Variants in CCDC191 observed in about 807,000 individuals in gnomAD.
The protein encoded by CCDC191 is coiled-coil domain-containing protein 191.
A neutral mutation model predicts 114.0 loss-of-function variants in CCDC191; 99 were observed. The ratio of observed to expected loss-of-function variants is 0.87; its 90% CI spans 0.74 to 1.03. CCDC191 has a LOEUF of 1.03. Ranked by LOEUF, CCDC191 falls within the 50% of genes least tolerant of loss-of-function variation. CCDC191 has a pLI of 0.00. For synonymous variants in CCDC191, 351 were observed against 376.0 expected (o/e 0.93, Z 0.77); for missense variants, 973 against 1,087.0 (o/e 0.90, Z 1.47).
chr3:114,000,677 G>A (rs1293039874), intron 13 of CCDC191, among the ~76,000 whole-genome samples: 1 of 151,270 alleles, frequency 6.6e-6, no homozygotes, highest in Non-Finnish European at 1.5e-5. Context: ...CTTAGAGATG[G>A]TCTTACTTTG....
At chr3:114,054,927 T>C (rs2076747362) in intron 1 of CCDC191, among the ~76,000 whole-genome samples, 1 of 152,012 alleles carries the variant, frequency 6.6e-6, no homozygotes, top group South Asian at 2.1e-4. Context: ...TCCTGATGAT[T>C]TGTCATTGGA....
chr3:113,993,319 A>G (rs961482604), intron 13 of CCDC191, among the ~76,000 whole-genome samples: 3 of 152,200 alleles, frequency 2.0e-5, no homozygotes, highest in Admixed American at 1.3e-4. Flanking sequence ...ATTCTGAAGA[A>G]GAAAAATAGA....
chr3:114,004,320 T>C, intron 11 of CCDC191: 1 of 1,005,400 alleles, frequency 9.9e-7, no homozygotes, highest in Non-Finnish European at 1.2e-6. Flanking sequence ...CTCAGAGTTT[T>C]CTCATTTGTG....
chr3:114,046,999 G>A, intron 2 of CCDC191: 1 of 957,114 alleles, frequency 1.0e-6, no homozygotes, highest in Non-Finnish European at 1.2e-6. Context: ...TTAAGATTTA[G>A]ATAACTTTTG....
At chr3:114,019,162 G>C (rs1197194180) in intron 7 of CCDC191, among the ~76,000 whole-genome samples, 1 of 152,210 alleles carries the variant, frequency 6.6e-6, no homozygotes, top group Non-Finnish European at 1.5e-5. Context: ...TCTATGACAT[G>C]AACCAAGGGG....
At position 114,005,656 on chromosome 3, in the gene CCDC191, GCTGTTC is replaced by G. The variant is rs2075942102; in HGVS notation, c.1714_1719del (p.Glu572_Gln573del). ...TTCTTCAGCTCGAGAATTGTTTTCTGCTGTTCCTGAAGTTTCTTCTTTTGCTTCTCA... is the reference window on the plus strand; with the variant it reads ...TTCTTCAGCTCGAGAATTGTTTTCTGCTGAAGTTTCTTCTTTTGCTTCTCA... On this transcript the variant is annotated inframe_deletion, in exon 10 of 17. Transcript: ENST00000295878. 1.9e-6 allele frequency: 3 copies of G among 1,614,090 alleles called. No individual in the cohort carries two copies. Among genetic ancestry groups the G allele is most frequent in the Middle Eastern group, 1.6e-4 (1 of 6,062 alleles).
At chr3:114,036,088 A>G (rs2076478984) in intron 5 of CCDC191, among the ~76,000 whole-genome samples, 1 of 152,140 alleles carries the variant, frequency 6.6e-6, no homozygotes, top group East Asian at 1.9e-4. Flanking sequence ...CTTTTTTGCA[A>G]GAACCTACTA....
intron 3 of CCDC191, 46 bp from the exon 4 acceptor site, chr3:114,042,892 A>AT (rs766474094): frequency 2.8e-5 from 43 of 1,522,034 alleles, no homozygotes; most frequent in Non-Finnish European, 3.7e-5. Flanking sequence ...TACTTCAGAG[A>AT]TTTTCTTTAT....
chr3:113,991,981 A>G (rs897132168), intron 13 of CCDC191, among the ~76,000 whole-genome samples: 2 of 152,206 alleles, frequency 1.3e-5, no homozygotes, highest in Non-Finnish European at 2.9e-5. Flanking sequence ...CTATAAAAAC[A>G]ATGATGAAAG....
In CCDC191 at chr3:114,004,645, A is replaced by G; in HGVS notation, c.1970T>C (p.Ile657Thr). Reference protein sequence around the residue: ...KPKQLMTPHPILKAMEERAIQ... With the variant: ...KPKQLMTPHPTLKAMEERAIQ... The stretch of plus-strand genomic sequence containing the variant: ...CACCGAGACAGCCCTGCCTTTTAGT[A>G]TGGGATGCGGTGTCATCAATTGCTT... Residue 657 changes from isoleucine to threonine, a missense_variant, in exon 11 of 17, where the codon ATA (isoleucine) becomes ACA (threonine). By Grantham distance (89) the Ile-to-Thr change is moderately conservative (BLOSUM62 -1). Transcript: ENST00000295878. 6.2e-7 allele frequency: 1 copy of G among 1,612,180 alleles called. No homozygotes were observed. Among genetic ancestry groups the G allele is most frequent in the African/African-American group, 1.3e-5 (1 of 74,878 alleles).
intron 13 of CCDC191, among the ~76,000 whole-genome samples, chr3:113,999,690 C>T (rs999748189): frequency 3.3e-5 from 5 of 152,038 alleles, no homozygotes; most frequent in African/African-American, 4.8e-5. Context: ...ATACCAGTTA[C>T]GACCATGTAA....
At position 114,035,167 on chromosome 3, in the gene CCDC191, A is replaced by G. The variant is rs954083737; in HGVS notation, c.595-19T>C. The G allele has an allele frequency of 6.4e-7, 1 of 1,574,236 alleles. No individual in the cohort carries two copies. The highest frequency in any genetic ancestry group is 8.7e-7 in the Non-Finnish European group (1 of 1,146,894). On this transcript the variant is annotated intron_variant, in intron 5 of 16. Coordinates refer to ENST00000295878, the MANE Select transcript of CCDC191 (RefSeq NM_020817.2). ...CTTTTACCTTAAAGCAAATATAATA[A>G]AGATGAAGTGTGGCCTTTCAAGTAG...
chr3:113,991,900 AC>A (rs1397431684), intron 13 of CCDC191, among the ~76,000 whole-genome samples: 5 of 152,232 alleles, frequency 3.3e-5, no homozygotes, highest in Non-Finnish European at 7.3e-5. Flanking sequence ...TTTAAAAAAA[AC>A]ATTTATAATA....
chr3:114,050,497 G>A (rs2076685250), intron 2 of CCDC191, among the ~76,000 whole-genome samples: 1 of 152,208 alleles, frequency 6.6e-6, no homozygotes, highest in African/African-American at 2.4e-5. Context: ...ATGGGATTAG[G>A]AGGTGGAGGT....
intron 13 of CCDC191, among the ~76,000 whole-genome samples, chr3:113,998,150 A>T (rs1485541047): frequency 6.6e-6 from 1 of 152,044 alleles, no homozygotes; most frequent in East Asian, 1.9e-4. Flanking sequence ...TACTAAAAAT[A>T]CAAAAATTAG....
chr3:114,046,789 A>G, intron 2 of CCDC191, 57 bp from the exon 3 acceptor site: 1 of 1,524,070 alleles, frequency 6.6e-7, no homozygotes, highest in Non-Finnish European at 8.8e-7. Flanking sequence ...GTTCAGTTAG[A>G]GAATTTCTCT....
intron 9 of CCDC191, among the ~76,000 whole-genome samples, chr3:114,009,611 C>T (rs567317581): frequency 8.5e-5 from 13 of 152,168 alleles, no homozygotes; most frequent in African/African-American, 2.6e-4. Context: ...GTCAGTCATT[C>T]GCCAAAACAT....
chr3:114,031,737 T>G lies in CCDC191; in HGVS notation c.861A>C (p.Glu287Asp), dbSNP rs746486872. Residue 287 changes from glutamate to aspartate, a missense_variant, in exon 7 of 17, where the codon GAA (glutamate) becomes GAC (aspartate). Glu to Asp is a conservative substitution (Grantham distance 45). Transcript: ENST00000295878. ...TGTGAGTACTTTGAAACATGACTTT[T>G]TCTGAACTATTTTGAGAATTCTCTT... ...RQEENSQNSS[E>D]KVMFQSTHIL... 6.6e-6 allele frequency: 10 copies of G among 1,515,704 alleles called. No homozygotes were observed. The highest frequency in any genetic ancestry group is 1.4e-5 in the African/African-American group (1 of 73,072). The allele number at this position is 1,515,704 out of a possible 1,614,324, so 93.9% of individuals were successfully genotyped here. A position where few individuals can be genotyped will look rare whatever the true frequency, so the allele number is the denominator to read the frequency against.
chr3:114,002,492 C>T lies in CCDC191; in HGVS notation c.2025G>A (p.Leu675=), dbSNP rs2075873560. The T allele has an allele frequency of 1.2e-6, 2 of 1,611,388 alleles. No individual in the cohort carries two copies. Among genetic ancestry groups the T allele is most frequent in the Non-Finnish European group, 1.7e-6 (2 of 1,179,018 alleles). The change falls in exon 12 of 17, where the codon TTG becomes TTA. Residue 675 remains leucine, a synonymous_variant. Transcript: ENST00000295878. The part of the protein sequence containing the change: ...AIQRAECRRI[L]AEKKKKQEEE... ...CTTCTTGTTTTTTCTTCTTCTCTGC[C>T]AAGATCCGCCTACATTCAGCTCGTT...
Sources: gnomAD v4.1 joint callset for allele counts (sites outside exome capture counted in the v4.1 genomes callset) on GRCh38, gnomAD v4.1.1 for gene constraint, MANE v1.5 for transcripts, NCBI Gene and HGNC (gene_info 2026-07-23, HGNC 2026-07-21) for gene names.